Variants in ETNK1 observed in about 807,000 individuals in gnomAD.
ETNK1 encodes the protein ethanolamine kinase 1, also known as putative protein product of Nbla10396.
ETNK1 carries 8 observed loss-of-function variants against 45.1 expected under a neutral mutation model. The observed-to-expected ratio is 0.18, with a 90% confidence interval of 0.10 to 0.32. The LOEUF is 0.32. ETNK1 is among the 10% of genes least tolerant of loss of function. ETNK1 has a pLI of 1.00. For missense variants in ETNK1, 302 were observed against 430.6 expected (o/e 0.70, Z 2.64); for synonymous variants, 152 against 151.9 (o/e 1.00, Z -0.01).
chr12:22,625,265 TG>T lies in ETNK1; in HGVS notation c.-165del. The T allele has an allele frequency of 6.2e-7, 1 of 1,610,260 alleles. No individual in the cohort carries two copies. The highest frequency in any genetic ancestry group is 8.5e-7 in the Non-Finnish European group (1 of 1,179,088). ...CTGTCCAGACCCGGATCGGCAACAGTGCCGCCTCCAGACGTTCTCCTGCCGC... is the reference window on the plus strand; with the variant it reads ...CTGTCCAGACCCGGATCGGCAACAGTCCGCCTCCAGACGTTCTCCTGCCGC... On this transcript the variant is annotated 5_prime_UTR_variant, in exon 1 of 8. Transcript: ENST00000266517.
At chr12:22,680,896 GCC>G (rs1565449506) in intron 6 of ETNK1, among the ~76,000 whole-genome samples, 2 of 49,998 alleles carry the variant, frequency 4.0e-5, no homozygotes, top group Non-Finnish European at 4.9e-5. Flanking sequence ...TTCTTCCCCC[GCC>G]CCCCCCTCCA....
chr12:22,662,143 C>T (rs1486698591), intron 4 of ETNK1, among the ~76,000 whole-genome samples: 1 of 143,798 alleles, frequency 7.0e-6, no homozygotes, highest in East Asian at 2.3e-4. Context: ...TCTCAGCTCA[C>T]TGTAACTTCC....
chr12:22,665,092 A>C (rs1344415792), intron 4 of ETNK1, among the ~76,000 whole-genome samples: 1 of 152,160 alleles, frequency 6.6e-6, no homozygotes, highest in Admixed American at 6.5e-5. Flanking sequence ...CTATCAAGAG[A>C]AGTCAGAAAG....
chr12:22,660,232 G>A (rs1331280864), intron 3 of ETNK1, among the ~76,000 whole-genome samples: 1 of 152,068 alleles, frequency 6.6e-6, no homozygotes, highest in East Asian at 1.9e-4. Flanking sequence ...GAAGCAGGGA[G>A]TAATTTGAGA....
intron 2 of ETNK1, among the ~76,000 whole-genome samples, chr12:22,658,218 A>T (rs58218945): frequency 0.047 from 7,111 of 152,200 alleles, 545 homozygotes; most frequent in African/African-American, 0.16. Flanking sequence ...AGCAGGATCC[A>T]ATGGAGAGAA....
In ETNK1 at chr12:22,690,001, G is replaced by A. The variant is rs1459060065; in HGVS notation, c.*5047G>A. 1 of 152,338 alleles carries A rather than the reference G, an allele frequency of 6.6e-6. No individual in the cohort carries two copies. Among genetic ancestry groups the A allele is most frequent in the Non-Finnish European group, 1.5e-5 (1 of 67,890 alleles). The allele number at this position is 152,338 out of a possible 1,614,324, so 9.4% of individuals were successfully genotyped here. On this transcript the variant is annotated 3_prime_UTR_variant, in exon 8 of 8. Transcript: ENST00000266517. ...CTGTTATTAAAAGGAAAAAGACATG[G>A]CCATTATTCCATGTGCTTAAATGAT...
At chr12:22,672,494 G>A (rs1019741728) in intron 5 of ETNK1, among the ~76,000 whole-genome samples, 1 of 152,092 alleles carries the variant, frequency 6.6e-6, no homozygotes, top group African/African-American at 2.4e-5. Flanking sequence ...CATATAAGCT[G>A]TACATATTTT....
intron 1 of ETNK1, among the ~76,000 whole-genome samples, chr12:22,640,798 A>G (rs1335799723): frequency 6.6e-6 from 1 of 152,130 alleles, no homozygotes; most frequent in Non-Finnish European, 1.5e-5. Context: ...TTCAAACTCA[A>G]ACTCTGGCTC....
rs1218292441 is a variant in ETNK1 at position 22,689,579 on chromosome 12, T to C, written c.*4625T>C. On this transcript the variant is annotated 3_prime_UTR_variant, in exon 8 of 8. Coordinates refer to ENST00000266517, the MANE Select transcript of ETNK1 (RefSeq NM_018638.5). ...CATTACATATTGTATTTAAAACTAA[T>C]TAGTGAAGAGTAAGAAAAAAACTAG... 6.6e-6 allele frequency: 1 copy of C among 152,014 alleles called. No homozygotes were observed. Among genetic ancestry groups the C allele is most frequent in the African/African-American group, 2.4e-5 (1 of 41,446 alleles). The allele number at this position is 152,014 out of a possible 1,614,324, so 9.4% of individuals were successfully genotyped here.
At chr12:22,680,584 T>C (rs17427520) in intron 6 of ETNK1, among the ~76,000 whole-genome samples, 3,167 of 152,312 alleles carry the variant, frequency 0.021, 44 homozygotes, top group Non-Finnish European at 0.034. Flanking sequence ...TTACCCTGCA[T>C]CTCTTGGCAG....
rs774040847 is a variant in ETNK1, at chr12:22,625,185, T to C, written c.-246T>C. The C allele has an allele frequency of 6.2e-7, 1 of 1,606,572 alleles. No homozygotes were observed. Among genetic ancestry groups the C allele is most frequent in the Non-Finnish European group, 8.5e-7 (1 of 1,176,684 alleles). Reference sequence around the variant, plus strand: ...CGGCATGCTCTGCGGCCGCCCGCGGTCCAGCTCCGACAACAGGAATTTTCT... The same window carrying C: ...CGGCATGCTCTGCGGCCGCCCGCGGCCCAGCTCCGACAACAGGAATTTTCT... On this transcript the variant is annotated 5_prime_UTR_variant, in exon 1 of 8. Transcript: ENST00000266517.
At chr12:22,643,584 TTAAA>T (rs1318390970) in intron 1 of ETNK1, among the ~76,000 whole-genome samples, 175 bp from the exon 2 acceptor site, 33 of 152,220 alleles carry the variant, frequency 2.2e-4, no homozygotes, top group Non-Finnish European at 2.6e-4. Context: ...TTCTCTTTGT[TTAAA>T]TATAGAATTA....
intron 1 of ETNK1, among the ~76,000 whole-genome samples, chr12:22,633,954 C>T (rs928925659): frequency 5.3e-5 from 8 of 151,912 alleles, no homozygotes; most frequent in Admixed American, 2.0e-4. Flanking sequence ...TTTTGTCTTA[C>T]TGCACTAGTA....
rs982112430 is a variant in ETNK1 at position 22,689,557 on chromosome 12, T to G, written c.*4603T>G. ...TATGTTTATAAAAATTTGAAAACAT[T>G]ACATATTGTATTTAAAACTAATTAG... On this transcript the variant is annotated 3_prime_UTR_variant, in exon 8 of 8. Transcript: ENST00000266517. The G allele has an allele frequency of 1.3e-5, 2 of 152,032 alleles. No homozygotes were observed. The highest frequency in any genetic ancestry group is 2.4e-5 in the African/African-American group (1 of 41,460). 9.4% of individuals were successfully genotyped at this position (152,032 alleles called of 1,614,324 possible).
At chr12:22,655,686 T>C (rs937567268) in intron 2 of ETNK1, among the ~76,000 whole-genome samples, 1 of 149,628 alleles carries the variant, frequency 6.7e-6, no homozygotes, top group Non-Finnish European at 1.5e-5. Context: ...ATTGTCATTA[T>C]TGAATTTTAA....
chr12:22,663,455 GA>G (rs1456704438), intron 4 of ETNK1, among the ~76,000 whole-genome samples: 1 of 151,922 alleles, frequency 6.6e-6, no homozygotes, highest in African/African-American at 2.4e-5. Context: ...TCATTTCACA[GA>G]ACAAAACTTG....
Position 22,636,867 on chromosome 12 carries a change from A to AATTCTATAC in ETNK1, c.157-6895_157-6894insTTCTATACA, listed in dbSNP as rs540630063. 1.2e-4 allele frequency among the ~76,000 whole-genome samples: 19 copies of AATTCTATAC among 152,330 alleles called. No homozygotes were observed. The South Asian group carries it at 3.9e-3, about 32-fold the overall frequency. Reference sequence around the variant, plus strand: ...GTGCAAATACTACATCATTCTATACAACAGGCTTTCAGAACGTGTAAAATA... The same window carrying AATTCTATAC: ...GTGCAAATACTACATCATTCTATACAATTCTATACACAGGCTTTCAGAACGTGTAAAATA... On this transcript the variant is annotated intron_variant, in intron 1 of 7. Transcript: ENST00000266517.
chr12:22,634,829 A>G (rs1953633812), intron 1 of ETNK1, among the ~76,000 whole-genome samples: 2 of 152,344 alleles, frequency 1.3e-5, no homozygotes, highest in East Asian at 3.9e-4. Flanking sequence ...TGTTGGGATT[A>G]CAGGCATAAG....
At chr12:22,650,781 TA>T (rs1953864682) in intron 2 of ETNK1, among the ~76,000 whole-genome samples, 1 of 152,142 alleles carries the variant, frequency 6.6e-6, no homozygotes, top group African/African-American at 2.4e-5. Flanking sequence ...CTGTTGTATA[TA>T]ATATTTGCTA....
Sources: gnomAD v4.1 joint callset for allele counts (sites outside exome capture counted in the v4.1 genomes callset) on GRCh38, gnomAD v4.1.1 for gene constraint, MANE v1.5 for transcripts, NCBI Gene and HGNC (gene_info 2026-07-23, HGNC 2026-07-21) for gene names.